The following CSMD3 variants were observed in gnomAD, a reference collection of about 807,000 sequenced individuals.
The protein encoded by CSMD3 is CUB and Sushi multiple domains 3.
A neutral mutation model predicts 435.2 loss-of-function variants in CSMD3; 177 were observed. That is an observed-to-expected ratio of 0.41 (90% CI 0.36 to 0.46). The LOEUF is 0.46. CSMD3 is among the 20% of genes least tolerant of loss of function. The pLI is 0.34. For synonymous variants in CSMD3, 1,656 were observed against 1,520.5 expected, an observed-to-expected ratio of 1.09 and a Z score of -2.07; for missense variants, 4,265 against 4,504.6, an observed-to-expected ratio of 0.95 and a Z score of 1.52.
chr8:113,401,008 A>G (rs2094507519), intron 1 of CSMD3, among the ~76,000 whole-genome samples: 1 of 151,840 alleles, frequency 6.6e-6, no homozygotes, highest in African/African-American at 2.4e-5. Context: ...TGTAGGCTCT[A>G]TGTAACACAT....
intron 35 of CSMD3, among the ~76,000 whole-genome samples, chr8:112,394,955 C>T (rs1269742617): frequency 2.0e-5 from 3 of 152,154 alleles, no homozygotes; most frequent in Non-Finnish European, 2.9e-5. Flanking sequence ...CTGTACATAT[C>T]TTGTGCTTTC....
intron 1 of CSMD3, among the ~76,000 whole-genome samples, chr8:113,408,753 G>A (rs780079443): frequency 6.6e-6 from 1 of 151,606 alleles, no homozygotes; most frequent in Non-Finnish European, 1.5e-5. Context: ...TCCCTCCTGG[G>A]TTCAAGGTTC....
chr8:112,846,060 TC>T, intron 11 of CSMD3, among the ~76,000 whole-genome samples: 1 of 152,122 alleles, frequency 6.6e-6, no homozygotes, highest in African/African-American at 2.4e-5. Flanking sequence ...CCTATGCCTT[TC>T]TTTTACTTAA....
intron 32 of CSMD3, among the ~76,000 whole-genome samples, chr8:112,412,256 T>C (rs1446758539): frequency 2.0e-5 from 3 of 152,146 alleles, no homozygotes; most frequent in Admixed American, 1.3e-4. Flanking sequence ...AACACTGACC[T>C]GATGCTGGTG....
chr8:112,426,321 T>C (rs1340791010), intron 32 of CSMD3, among the ~76,000 whole-genome samples: 1 of 152,114 alleles, frequency 6.6e-6, no homozygotes, highest in East Asian at 1.9e-4. Flanking sequence ...CCTTCTATAT[T>C]TTTTGGAAAC....
At chr8:113,154,064 A>G (rs1291079031) in intron 4 of CSMD3, among the ~76,000 whole-genome samples, 3 of 152,038 alleles carry the variant, frequency 2.0e-5, no homozygotes, top group Non-Finnish European at 4.4e-5. Context: ...TTTGATGCCA[A>G]TTACTCTGTA....
At position 112,843,634 on chromosome 8, in the gene CSMD3, G is replaced by C. The variant is rs1482211238; in HGVS notation, c.1756-13845C>G. On this transcript the variant is annotated intron_variant, in intron 11 of 70. Transcript: ENST00000297405. ...TGCAAATATGACATCAGAAGGACTA[G>C]ACACATCTTTGCTGGATTTGAAGAT... Among the ~76,000 whole-genome samples, 4 of 151,930 alleles carry C rather than the reference G, an allele frequency of 2.6e-5. No homozygotes were observed. In the East Asian group the frequency reaches 7.8e-4, roughly 29 times the overall value.
intron 13 of CSMD3, among the ~76,000 whole-genome samples, chr8:112,747,890 A>G (rs919882246): frequency 6.7e-6 from 1 of 149,664 alleles, no homozygotes; most frequent in African/African-American, 2.5e-5. Flanking sequence ...GTGAACCCGG[A>G]AGGCGGAGCT....
intron 22 of CSMD3, among the ~76,000 whole-genome samples, chr8:112,628,588 A>T (rs1834685291): frequency 6.6e-6 from 1 of 152,186 alleles, no homozygotes; most frequent in Non-Finnish European, 1.5e-5. Flanking sequence ...GTTCATGTAA[A>T]TGAAAGTTAG....
chr8:113,134,198 G>A (rs534700447), intron 4 of CSMD3, among the ~76,000 whole-genome samples: 1 of 151,986 alleles, frequency 6.6e-6, no homozygotes, highest in Non-Finnish European at 1.5e-5. Flanking sequence ...GGGTTAAATT[G>A]TAAAATAGGC....
chr8:112,348,531 T>C (rs1296481616), intron 40 of CSMD3, among the ~76,000 whole-genome samples: 2 of 152,158 alleles, frequency 1.3e-5, no homozygotes, highest in East Asian at 3.9e-4. Context: ...TGCCAATATT[T>C]TAATACTCTG....
chr8:112,553,854 C>T (rs1827894094), intron 25 of CSMD3, among the ~76,000 whole-genome samples: 1 of 151,918 alleles, frequency 6.6e-6, no homozygotes, highest in Non-Finnish European at 1.5e-5. Context: ...ATTTTAGATA[C>T]TATATTGCAC....
At chr8:112,401,496 A>C (rs1831340410) in intron 35 of CSMD3, among the ~76,000 whole-genome samples, 1 of 152,182 alleles carries the variant, frequency 6.6e-6, no homozygotes, top group Non-Finnish European at 1.5e-5. Context: ...GAAGAAAAGC[A>C]GAGCATAAAC....
chr8:113,096,397 G>C (rs1403662498), intron 5 of CSMD3, among the ~76,000 whole-genome samples: 11 of 152,050 alleles, frequency 7.2e-5, no homozygotes, highest in Admixed American at 7.2e-4. Context: ...CACATTTCAA[G>C]AAATTCTATC....
chr8:112,287,518 C>G (rs1395250335), intron 57 of CSMD3, among the ~76,000 whole-genome samples: 1 of 151,998 alleles, frequency 6.6e-6, no homozygotes, highest in Non-Finnish European at 1.5e-5. Flanking sequence ...TTTTTCCAAA[C>G]CTAGTTAATA....
intron 31 of CSMD3, among the ~76,000 whole-genome samples, chr8:112,484,892 C>T (rs1819973519): frequency 6.6e-6 from 1 of 152,182 alleles, no homozygotes; most frequent in East Asian, 1.9e-4. Context: ...CGAAAAAAAT[C>T]TGAAATCGGA....
chr8:112,433,114 T>C (rs1174813309), intron 32 of CSMD3, among the ~76,000 whole-genome samples: 1 of 152,060 alleles, frequency 6.6e-6, no homozygotes, highest in Non-Finnish European at 1.5e-5. Context: ...AAGTACAGGC[T>C]AATCAGTTCA....
chr8:112,322,155 G>T (rs1386047122), intron 45 of CSMD3, among the ~76,000 whole-genome samples: 1 of 152,054 alleles, frequency 6.6e-6, no homozygotes, highest in Middle Eastern at 3.2e-3. Flanking sequence ...GTGTTTTTCT[G>T]TGAAGTTATT....
chr8:112,690,968 G>A (rs187664353), intron 13 of CSMD3, among the ~76,000 whole-genome samples: 4 of 151,944 alleles, frequency 2.6e-5, no homozygotes, highest in Admixed American at 2.0e-4. Context: ...TAGTTCCTCC[G>A]TTATCCACTA....
Sources: gnomAD v4.1 joint callset for allele counts (sites outside exome capture counted in the v4.1 genomes callset) on GRCh38, gnomAD v4.1.1 for gene constraint, MANE v1.5 for transcripts, NCBI Gene and HGNC (gene_info 2026-07-23, HGNC 2026-07-21) for gene names.